Variants in CCDC171 observed in about 807,000 individuals in gnomAD.
CCDC171 encodes the protein coiled-coil domain-containing protein 171.
CCDC171 carries 177 observed loss-of-function variants against 168.2 expected under a neutral mutation model. That is an observed-to-expected ratio of 1.05 (90% CI 0.93 to 1.19). The LOEUF is 1.19. Among genes scored for constraint, CCDC171 ranks in the 50% most tolerant of loss-of-function variants. CCDC171 has a pLI of 0.00. For missense variants in CCDC171, 1,991 were observed against 1,539.0 expected, an observed-to-expected ratio of 1.29 and a Z score of -4.91; for synonymous variants, 687 against 540.8, an observed-to-expected ratio of 1.27 and a Z score of -3.75.
the CCDC171 span, among the ~76,000 whole-genome samples, chr9:16,079,455 G>T: frequency 1.3e-5 from 2 of 152,228 alleles, no homozygotes; most frequent in African/African-American, 2.4e-5. Flanking sequence ...CACTTAGAGA[G>T]AACACCGTGT....
chr9:15,599,716 T>G (rs1481125105), intron 6 of CCDC171, among the ~76,000 whole-genome samples: 1 of 152,194 alleles, frequency 6.6e-6, no homozygotes, highest in Non-Finnish European at 1.5e-5. Context: ...ATTGGGGAAG[T>G]TCTCCTGGAT....
intron 11 of CCDC171, among the ~76,000 whole-genome samples, chr9:15,709,379 A>G (rs1434172067): frequency 6.6e-6 from 1 of 152,164 alleles, no homozygotes; most frequent in African/African-American, 2.4e-5. Flanking sequence ...TTTGGAGGAC[A>G]AAATGTAGAA....
At chr9:15,794,464 C>A (rs1437649284) in intron 21 of CCDC171, among the ~76,000 whole-genome samples, 1 of 150,468 alleles carries the variant, frequency 6.6e-6, no homozygotes, top group Non-Finnish European at 1.5e-5. Flanking sequence ...ACTCTGTCCC[C>A]GCCCCCACCC....
At chr9:15,807,833 G>A (rs1202826225) in intron 21 of CCDC171, among the ~76,000 whole-genome samples, 1 of 151,040 alleles carries the variant, frequency 6.6e-6, no homozygotes, top group Non-Finnish European at 1.5e-5. Context: ...ACCGGAGCAA[G>A]ATTGCCGTTT....
chr9:15,989,377 G>C (rs1026102758), intron 3 of CCDC171, among the ~76,000 whole-genome samples: 4 of 152,172 alleles, frequency 2.6e-5, no homozygotes, highest in Non-Finnish European at 4.4e-5. Context: ...CTGACTGTTA[G>C]AAGGAAAACT....
At chr9:15,890,063 T>C (rs1395883081) in intron 24 of CCDC171, among the ~76,000 whole-genome samples, 2 of 152,160 alleles carry the variant, frequency 1.3e-5, no homozygotes, top group African/African-American at 4.8e-5. Context: ...GCTCTGTTGA[T>C]CATATAGATT....
chr9:15,968,504 C>G (rs986112749), intron 25 of CCDC171, among the ~76,000 whole-genome samples: 3 of 147,774 alleles, frequency 2.0e-5, no homozygotes, highest in East Asian at 2.0e-4. Flanking sequence ...ACATCACATT[C>G]TCAAATCAAA....
At chr9:15,910,325 T>C (rs1180553807) in intron 24 of CCDC171, among the ~76,000 whole-genome samples, 2 of 152,162 alleles carry the variant, frequency 1.3e-5, no homozygotes, top group Admixed American at 6.5e-5. Context: ...CAATAGGGTA[T>C]AATTTCCCCA....
intron 24 of CCDC171, among the ~76,000 whole-genome samples, chr9:15,916,931 C>T (rs1589121296): frequency 1.3e-5 from 2 of 151,838 alleles, no homozygotes; most frequent in Non-Finnish European, 2.9e-5. Context: ...CCCCTGGGGC[C>T]AAGGATGACA....
chr9:15,610,444 T>TAAAAAAAAAAAAAAA lies in CCDC171; in HGVS notation c.676-12800_676-12786dup, dbSNP rs754593075. On this transcript the variant is annotated intron_variant, in intron 6 of 25. Transcript: ENST00000380701. ...CAACATGGTGAAACCCCATCTCAAC[T>TAAAAAAAAAAAAAAA]AAAAAAAAAAAAAAAAAAAAAAAAA... is the stretch of plus-strand genomic sequence containing the variant. Among the ~76,000 whole-genome samples, 19 of 12,724 alleles carry TAAAAAAAAAAAAAAA rather than the reference T, an allele frequency of 1.5e-3. 8 individuals are homozygous for TAAAAAAAAAAAAAAA. The highest frequency in any genetic ancestry group is 5.3e-3 in the East Asian group (3 of 570). 8.3% of individuals were successfully genotyped at this position (12,724 alleles called of 152,430 possible).
intron 6 of CCDC171, among the ~76,000 whole-genome samples, chr9:15,604,170 T>C (rs985666144): frequency 6.6e-6 from 1 of 152,138 alleles, no homozygotes; most frequent in Non-Finnish European, 1.5e-5. Flanking sequence ...ATGGATAGAT[T>C]GCAGAAATTT....
intron 4 of CCDC171, among the ~76,000 whole-genome samples, chr9:16,021,736 A>C (rs553100197): frequency 2.4e-4 from 36 of 152,368 alleles, no homozygotes; most frequent in Admixed American, 2.1e-3. Flanking sequence ...AAAAGTACTA[A>C]TAATGAAATA....
intron 24 of CCDC171, among the ~76,000 whole-genome samples, chr9:15,902,989 C>G (rs111294242): frequency 2.0e-5 from 3 of 152,186 alleles, no homozygotes; most frequent in Non-Finnish European, 4.4e-5. Flanking sequence ...GGGGGAGGGG[C>G]GCTCGCCATT....
chr9:16,011,036 G>A (rs979667232), intron 3 of CCDC171, among the ~76,000 whole-genome samples: 2 of 152,140 alleles, frequency 1.3e-5, no homozygotes, highest in East Asian at 3.9e-4. Context: ...GCAAATGGGA[G>A]GCCAATGGAG....
chr9:15,988,842 G>C (rs1832087800), intron 3 of CCDC171, among the ~76,000 whole-genome samples: 1 of 152,172 alleles, frequency 6.6e-6, no homozygotes, highest in South Asian at 2.1e-4. Context: ...TAGCACAGCA[G>C]TCTGAGATCG....
chr9:15,571,464 C>T (rs1033006278), intron 2 of CCDC171, among the ~76,000 whole-genome samples, 160 bp from the exon 3 acceptor site: 5 of 152,064 alleles, frequency 3.3e-5, no homozygotes, highest in African/African-American at 1.2e-4. Context: ...TTCTACATAG[C>T]TTTTGCAGTG....
intron 6 of CCDC171, among the ~76,000 whole-genome samples, chr9:15,601,803 GTAAAT>G (rs2042874877): frequency 6.6e-6 from 1 of 152,146 alleles, no homozygotes; most frequent in Admixed American, 6.5e-5. Context: ...GCAAAATAAA[GTAAAT>G]TAAAATAGCT....
At chr9:15,824,827 G>T (rs2059946302) in intron 21 of CCDC171, among the ~76,000 whole-genome samples, 1 of 152,058 alleles carries the variant, frequency 6.6e-6, no homozygotes, top group Admixed American at 6.6e-5. Context: ...TGGTGGTCAA[G>T]TAGTTGCCTG....
At chr9:15,994,477 C>G (rs376184787) in intron 3 of CCDC171, among the ~76,000 whole-genome samples, 1 of 152,142 alleles carries the variant, frequency 6.6e-6, no homozygotes, top group African/African-American at 2.4e-5. Context: ...GGAGATATAC[C>G]TAATGTAAAT....
Sources: allele counts gnomAD v4.1 joint callset (sites outside exome capture counted in the v4.1 genomes callset), GRCh38; gene constraint gnomAD v4.1.1; transcripts MANE v1.5; gene names NCBI Gene and HGNC (gene_info 2026-07-23, HGNC 2026-07-21).